The following OSBPL1A variants were observed in gnomAD, a reference collection of about 807,000 sequenced individuals.
OSBPL1A encodes the protein oxysterol binding protein like 1A.
A neutral mutation model predicts 137.1 loss-of-function variants in OSBPL1A; 80 were observed. That is an observed-to-expected ratio of 0.58 (90% confidence interval 0.49 to 0.70). The LOEUF (loss-of-function observed/expected upper bound fraction) is 0.70, where lower values mean the gene tolerates loss of function less well. Ranked by LOEUF, OSBPL1A falls within the 30% of genes least tolerant of loss-of-function variation. The pLI is 0.00. For synonymous variants in OSBPL1A, 365 were observed against 389.7 expected, an observed-to-expected ratio of 0.94 and a Z score of 0.75; for missense variants, 970 against 1,129.4, an observed-to-expected ratio of 0.86 and a Z score of 2.02.
At chr18:24,172,281 T>G in intron 22 of OSBPL1A, 95 bp downstream of exon 22, 1 of 938,438 alleles carries the variant, frequency 1.1e-6, no homozygotes, top group East Asian at 2.5e-5. Flanking sequence ...GTTCTAGAGC[T>G]TTTCTTTAAA....
intron 17 of OSBPL1A, among the ~76,000 whole-genome samples, chr18:24,222,270 T>C (rs2087918264): frequency 2.0e-5 from 3 of 152,176 alleles, no homozygotes; most frequent in Non-Finnish European, 4.4e-5. Flanking sequence ...TTTAATCTAT[T>C]CATGTTAATA....
In OSBPL1A at chr18:24,345,149, C is replaced by A. The variant is rs551228720; in HGVS notation, c.283-3491G>T. Among the ~76,000 whole-genome samples the A allele has an allele frequency of 1.3e-4, 20 of 151,384 alleles. 1 individual carries two copies. In the South Asian group the frequency reaches 3.6e-3, roughly 27 times the overall value. On this transcript the variant is annotated intron_variant, in intron 4 of 27. Coordinates refer to ENST00000319481, the MANE Select transcript of OSBPL1A (RefSeq NM_080597.4). Reference sequence around the variant, plus strand: ...AATGTTTAAAAAAAAATAAAAAAATCAAAAGAACATCTATAATGAAGGGTA... The same window carrying A: ...AATGTTTAAAAAAAAATAAAAAAATAAAAAGAACATCTATAATGAAGGGTA...
At position 24,179,376 on chromosome 18, in the gene OSBPL1A, C is replaced by A. The variant is rs970631644; in HGVS notation, c.1910+362G>T. ...TAATGGGTGCAGCACACCAACATGG[C>A]ACATGTATAGATATGTAACTAACCT... On this transcript the variant is annotated intron_variant, in intron 20 of 27. Coordinates refer to ENST00000319481, the MANE Select transcript of OSBPL1A (RefSeq NM_080597.4). 1.4e-5 allele frequency: 3 copies of A among 207,644 alleles called. No individual in the cohort carries two copies. The East Asian group carries it at 3.7e-4, about 26-fold the overall frequency. 12.9% of individuals were successfully genotyped at this position (207,644 alleles called of 1,614,324 possible).
chr18:24,396,844 A>G (rs1907776110), intron 1 of OSBPL1A, among the ~76,000 whole-genome samples: 1 of 152,220 alleles, frequency 6.6e-6, no homozygotes, highest in East Asian at 1.9e-4. Context: ...CAAACTCCAA[A>G]TCCAGAATGC....
chr18:24,199,849 G>A (rs558060167), intron 17 of OSBPL1A, among the ~76,000 whole-genome samples: 32 of 152,234 alleles, frequency 2.1e-4, no homozygotes, highest in Admixed American at 3.3e-4. Context: ...ACCCCAGCTC[G>A]ACCAAGGATG....
At chr18:24,342,276 T>C (rs972491207) in intron 4 of OSBPL1A, among the ~76,000 whole-genome samples, 9 of 152,190 alleles carry the variant, frequency 5.9e-5, no homozygotes, top group Admixed American at 2.6e-4. Context: ...GCTGCTCTTA[T>C]GGAAATTTCA....
chr18:24,196,533 T>C (rs1276334001), intron 17 of OSBPL1A, among the ~76,000 whole-genome samples: 2 of 152,202 alleles, frequency 1.3e-5, no homozygotes, highest in Non-Finnish European at 2.9e-5. Context: ...GACCCTGTTG[T>C]TGGATTTATG....
chr18:24,368,362 C>A lies in OSBPL1A; in HGVS notation c.132G>T (p.Lys44Asn), dbSNP rs1243339966. 2 of 1,612,352 alleles carry A rather than the reference C, an allele frequency of 1.2e-6. No individual in the cohort carries two copies. Among genetic ancestry groups the A allele is most frequent in the South Asian group, 2.2e-5 (2 of 90,936 alleles). Residue 44 changes from lysine to asparagine, a missense_variant, in exon 3 of 28, where the codon AAG becomes AAT. By Grantham distance (94) the Lys-to-Asn change is moderately conservative. Around this residue, in one of 2 missense-constraint regions of OSBPL1A, gnomAD observed 647 missense variants for 672.6 expected, o/e 0.96. Coordinates refer to ENST00000319481, the MANE Select transcript of OSBPL1A (RefSeq NM_080597.4). ...GTAGAGGTGTCCAGCCCAAGTTAGACTTACTTCTTCCTAAAAATGGAAAAA... is the reference window on the plus strand; with the variant it reads ...GTAGAGGTGTCCAGCCCAAGTTAGAATTACTTCTTCCTAAAAATGGAAAAA... The part of the protein sequence containing the change: ...IADINCKGRS[K>N]SNLGWTPLHL...
rs903159627 is a variant in OSBPL1A, at chr18:24,281,393, T to A, written c.1175-445A>T. ...GTCACCGCGCCCGGCTTTTTTTTTTTATTTTTTATTTTGAGACACAGTCTC... is the reference window on the plus strand; with the variant it reads ...GTCACCGCGCCCGGCTTTTTTTTTTAATTTTTTATTTTGAGACACAGTCTC... On this transcript the variant is annotated intron_variant, in intron 14 of 27. Transcript: ENST00000319481. Among the ~76,000 whole-genome samples, 3 of 151,082 alleles carry A rather than the reference T, an allele frequency of 2.0e-5. 1 individual carries two copies. Among genetic ancestry groups the A allele is most frequent in the South Asian group, 2.1e-4 (1 of 4,752 alleles).
chr18:24,199,159 C>T (rs1405866584), intron 17 of OSBPL1A, among the ~76,000 whole-genome samples: 1 of 151,830 alleles, frequency 6.6e-6, no homozygotes, highest in African/African-American at 2.4e-5. Flanking sequence ...ACACCTGGCC[C>T]AGGTGCCACT....
At chr18:24,327,560 CCACCACACCCGGCTAATTTTTATA>C (rs1159128943) in intron 7 of OSBPL1A, among the ~76,000 whole-genome samples, 1 of 152,130 alleles carries the variant, frequency 6.6e-6, no homozygotes, top group Non-Finnish European at 1.5e-5. Context: ...CAGGCACCTG[CCACCACACCCGGCTAATTTTTATA>C]TTTTAGTAGA....
chr18:24,280,415 G>A (rs1299482004), intron 15 of OSBPL1A, among the ~76,000 whole-genome samples: 8 of 152,196 alleles, frequency 5.3e-5, no homozygotes, highest in Admixed American at 4.6e-4. Context: ...ATGGCAAACT[G>A]TTGAAGGGTA....
chr18:24,310,527 T>C (rs982372872), intron 13 of OSBPL1A, among the ~76,000 whole-genome samples: 5 of 139,066 alleles, frequency 3.6e-5, no homozygotes, highest in African/African-American at 8.2e-5. Context: ...GCGTGAACCC[T>C]GGAGGTGGAA....
At chr18:24,207,256 G>C (rs997212041) in intron 17 of OSBPL1A, among the ~76,000 whole-genome samples, 4 of 152,066 alleles carry the variant, frequency 2.6e-5, no homozygotes, top group African/African-American at 9.7e-5. Context: ...GCTAATTTTT[G>C]TATTTTTAGT....
At chr18:24,369,156 G>A (rs1171180708) in intron 2 of OSBPL1A, among the ~76,000 whole-genome samples, 4 of 152,290 alleles carry the variant, frequency 2.6e-5, no homozygotes. Flanking sequence ...GAACTCTACA[G>A]ATAGTGCCTG....
chr18:24,281,019 TACTC>T (rs2089945965), intron 14 of OSBPL1A, 71 bp from the exon 15 acceptor site: 1 of 894,142 alleles, frequency 1.1e-6, no homozygotes, highest in Non-Finnish European at 1.7e-6. Context: ...ACCACAAAAA[TACTC>T]TCATATCTAT....
intron 18 of OSBPL1A, among the ~76,000 whole-genome samples, chr18:24,187,814 G>A (rs1446369845): frequency 6.6e-6 from 1 of 152,122 alleles, no homozygotes; most frequent in Non-Finnish European, 1.5e-5. Flanking sequence ...AGGTGAGGCA[G>A]TGAGGGACAG....
At chr18:24,333,197 C>T (rs2091115268) in intron 6 of OSBPL1A, 111 bp from the exon 7 acceptor site, 8 of 1,218,988 alleles carry the variant, frequency 6.6e-6, no homozygotes, top group Non-Finnish European at 9.2e-6. Flanking sequence ...AGCTCCTTGG[C>T]ATCCAGGCTG....
At chr18:24,227,387 T>C (rs2088117658) in intron 16 of OSBPL1A, among the ~76,000 whole-genome samples, 1 of 152,208 alleles carries the variant, frequency 6.6e-6, no homozygotes, top group African/African-American at 2.4e-5. Flanking sequence ...AATAAAAGAT[T>C]GTTTTTAACA....
Sources: allele counts gnomAD v4.1 joint callset (sites outside exome capture counted in the v4.1 genomes callset), GRCh38; gene constraint gnomAD v4.1.1; regional missense constraint gnomAD v4.1.1; transcripts MANE v1.5; gene names NCBI Gene and HGNC (gene_info 2026-07-23, HGNC 2026-07-21).